ANTXR1: variants seen among roughly 807,000 people sequenced by gnomAD.
ANTXR1 encodes anthrax toxin receptor 1.
In ANTXR1, 19 loss-of-function variants were observed where a neutral mutation model predicts 78.1. That is an observed-to-expected ratio of 0.24 (90% CI 0.17 to 0.36). The LOEUF is 0.36. Ranked by LOEUF, ANTXR1 falls within the 10% of genes least tolerant of loss-of-function variation. The pLI is 1.00. For missense variants in ANTXR1, 518 were observed against 718.6 expected (o/e 0.72, Z 3.19); for synonymous variants, 273 against 260.5 (o/e 1.05, Z -0.46).
At chr2:69,080,551 T>C (rs1398315984) in intron 8 of ANTXR1, among the ~76,000 whole-genome samples, 1 of 152,226 alleles carries the variant, frequency 6.6e-6, no homozygotes, top group African/African-American at 2.4e-5. Flanking sequence ...ATCAAATACT[T>C]ATTGAAAATC....
At chr2:69,020,547 G>A (rs1384316699) in intron 1 of ANTXR1, among the ~76,000 whole-genome samples, 1 of 152,132 alleles carries the variant, frequency 6.6e-6, no homozygotes, top group Admixed American at 6.5e-5. Flanking sequence ...CTGTAATTAT[G>A]TCCAAATGCT....
chr2:69,144,733 G>A (rs140459394), intron 12 of ANTXR1, among the ~76,000 whole-genome samples: 13 of 152,300 alleles, frequency 8.5e-5, no homozygotes, highest in East Asian at 7.7e-4. Flanking sequence ...TAGTCTAACC[G>A]TGTGAAAGCA....
chr2:69,200,001 G>A (rs1461479568), intron 17 of ANTXR1, among the ~76,000 whole-genome samples: 5 of 152,108 alleles, frequency 3.3e-5, no homozygotes, highest in Non-Finnish European at 7.4e-5. Context: ...ATGGAAAAGA[G>A]AAAATAGAAC....
At chr2:69,149,151 G>A (rs952518245) in intron 12 of ANTXR1, among the ~76,000 whole-genome samples, 1 of 152,180 alleles carries the variant, frequency 6.6e-6, no homozygotes, top group Non-Finnish European at 1.5e-5. Flanking sequence ...GTCTTCAGAG[G>A]AGGATAAAGT....
chr2:69,122,328 T>C (rs893160061), intron 10 of ANTXR1, among the ~76,000 whole-genome samples: 13 of 152,214 alleles, frequency 8.5e-5, no homozygotes, highest in African/African-American at 3.1e-4. Flanking sequence ...TGAAGCCCAA[T>C]GATACTTTGG....
chr2:69,158,317 G>C (rs1264296282), intron 13 of ANTXR1, among the ~76,000 whole-genome samples: 1 of 152,156 alleles, frequency 6.6e-6, no homozygotes, highest in Non-Finnish European at 1.5e-5. Flanking sequence ...TGCTGAAATA[G>C]TTTCACCTTC....
intron 3 of ANTXR1, among the ~76,000 whole-genome samples, chr2:69,068,412 T>C (rs1306230387): frequency 6.6e-6 from 1 of 152,214 alleles, no homozygotes; most frequent in Non-Finnish European, 1.5e-5. Context: ...AAGACTACTC[T>C]GAGCAAGTGG....
intron 17 of ANTXR1, among the ~76,000 whole-genome samples, chr2:69,241,589 A>C (rs761027236): frequency 6.6e-6 from 1 of 152,190 alleles, no homozygotes; most frequent in African/African-American, 2.4e-5. Context: ...GAGAACAAAC[A>C]TAAGAGTGCA....
chr2:69,094,131 G>A (rs973283729), intron 9 of ANTXR1, among the ~76,000 whole-genome samples: 5 of 152,174 alleles, frequency 3.3e-5, no homozygotes, highest in Non-Finnish European at 5.9e-5. Context: ...TTCATTGTCC[G>A]GATGCCTGTC....
At chr2:69,198,383 G>A (rs1156944047) in intron 17 of ANTXR1, among the ~76,000 whole-genome samples, 1 of 152,022 alleles carries the variant, frequency 6.6e-6, no homozygotes, top group Non-Finnish European at 1.5e-5. Context: ...CAATTGGTTT[G>A]ACTTGGCTCA....
intron 12 of ANTXR1, chr2:69,135,215 C>A (rs770872406): frequency 1.1e-4 from 20 of 186,142 alleles, no homozygotes; most frequent in Non-Finnish European, 2.3e-4. Context: ...GATGTTTGAG[C>A]AATTGACTTT....
intron 17 of ANTXR1, among the ~76,000 whole-genome samples, chr2:69,242,245 G>A (rs1675913156): frequency 6.6e-6 from 1 of 152,134 alleles, no homozygotes; most frequent in South Asian, 2.1e-4. Flanking sequence ...AGCTGGAAGT[G>A]CTGACCTCAG....
chr2:69,166,753 G>A (rs113221043), intron 13 of ANTXR1, among the ~76,000 whole-genome samples: 4 of 152,208 alleles, frequency 2.6e-5, no homozygotes, highest in African/African-American at 9.7e-5. Flanking sequence ...CCAGGAGGAT[G>A]CTCACATAAC....
rs558371322 is a variant in ANTXR1 at position 69,172,149 on chromosome 2, C to T, written c.1089+1860C>T. Among the ~76,000 whole-genome samples the T allele has an allele frequency of 4.6e-5, 7 of 152,258 alleles. No homozygotes were observed. The South Asian group carries it at 1.2e-3, about 27-fold the overall frequency. ...ATTCCCTTCCTGGAGTCTAGATCCC[C>T]TCCCCTCCATTTCCCTTTGAAACCC... is the stretch of plus-strand genomic sequence containing the variant. On this transcript the variant is annotated intron_variant, in intron 14 of 17. Transcript: ENST00000303714.
intron 9 of ANTXR1, among the ~76,000 whole-genome samples, chr2:69,100,895 C>T (rs1356324854): frequency 6.6e-6 from 1 of 152,168 alleles, no homozygotes; most frequent in Non-Finnish European, 1.5e-5. Flanking sequence ...TCTTTCTAAA[C>T]GTAGCAATTG....
At chr2:69,238,334 A>T (rs1675820336) in intron 17 of ANTXR1, among the ~76,000 whole-genome samples, 1 of 152,230 alleles carries the variant, frequency 6.6e-6, no homozygotes, top group African/African-American at 2.4e-5. Flanking sequence ...TCATGAGGAC[A>T]GGGACCTCAA....
At chr2:69,118,326 G>A (rs887099516) in intron 10 of ANTXR1, among the ~76,000 whole-genome samples, 2 of 151,930 alleles carry the variant, frequency 1.3e-5, no homozygotes, top group Non-Finnish European at 2.9e-5. Flanking sequence ...GTGGGTGAGG[G>A]GGACAAGGTA....
chr2:69,070,637 T>C lies in ANTXR1; in HGVS notation c.297-10T>C. The C allele has an allele frequency of 6.2e-7, 1 of 1,613,758 alleles. No individual in the cohort carries two copies. Among genetic ancestry groups the C allele is most frequent in the Non-Finnish European group, 8.5e-7 (1 of 1,179,662 alleles). ...TCAAATAAGACTAACAGAGTGTCTTTGGATTTCAGAGAACAAATCCGTCAA... is the reference window on the plus strand; with the variant it reads ...TCAAATAAGACTAACAGAGTGTCTTCGGATTTCAGAGAACAAATCCGTCAA... On this transcript the variant is annotated splice_polypyrimidine_tract_variant and intron_variant, in intron 3 of 17. Coordinates refer to ENST00000303714, the MANE Select transcript of ANTXR1 (RefSeq NM_032208.3).
intron 3 of ANTXR1, among the ~76,000 whole-genome samples, chr2:69,061,116 G>T (rs1219622094): frequency 6.6e-6 from 1 of 152,156 alleles, no homozygotes; most frequent in East Asian, 1.9e-4. Context: ...TCAAAACCTG[G>T]ATATTGCAAA....
Sources: allele counts gnomAD v4.1 joint callset (sites outside exome capture counted in the v4.1 genomes callset), GRCh38; gene constraint gnomAD v4.1.1; transcripts MANE v1.5; gene names NCBI Gene and HGNC (gene_info 2026-07-23, HGNC 2026-07-21).